The following GRID2 variants were observed in gnomAD, a reference collection of about 807,000 sequenced individuals.
GRID2 encodes the protein glutamate ionotropic receptor delta type subunit 2.
In GRID2, 33 loss-of-function variants were observed where a neutral mutation model predicts 114.8. The ratio of observed to expected loss-of-function variants is 0.29; its 90% confidence interval spans 0.22 to 0.38. The LOEUF (loss-of-function observed/expected upper bound fraction) is 0.38. Among genes scored for constraint, GRID2 ranks in the 10% least tolerant of loss-of-function variants. GRID2 has a pLI of 1.00. For missense variants in GRID2, 1,184 were observed against 1,257.7 expected (o/e 0.94, Z 0.89); for synonymous variants, 505 against 449.9 (o/e 1.12, Z -1.55).
intron 2 of GRID2, among the ~76,000 whole-genome samples, chr4:92,658,729 C>T (rs796776393): frequency 6.6e-6 from 1 of 150,382 alleles, no homozygotes; most frequent in African/African-American, 2.4e-5. Flanking sequence ...TTACACCATT[C>T]CTTTTATTAG....
At chr4:92,815,914 C>CAAAAAAA (rs5860292) in intron 2 of GRID2, among the ~76,000 whole-genome samples, 4 of 46,866 alleles carry the variant, frequency 8.5e-5, no homozygotes, top group Admixed American at 3.8e-4. Flanking sequence ...GACCCTGTCT[C>CAAAAAAA]AAAAAAAAAA....
chr4:93,214,951 T>C (rs1188791109), intron 5 of GRID2, among the ~76,000 whole-genome samples: 2 of 152,068 alleles, frequency 1.3e-5, no homozygotes, highest in Non-Finnish European at 2.9e-5. Flanking sequence ...ATGACATTTA[T>C]AAATTCATCC....
chr4:93,634,759 T>C (rs1721265416), intron 14 of GRID2, among the ~76,000 whole-genome samples: 1 of 151,924 alleles, frequency 6.6e-6, no homozygotes, highest in South Asian at 2.1e-4. Context: ...GCAGTAAGAA[T>C]ACTACAAAAG....
intron 9 of GRID2, 65 bp downstream of exon 9, chr4:93,395,773 T>C: frequency 2.8e-6 from 2 of 719,188 alleles, no homozygotes; most frequent in Admixed American, 4.2e-5. Flanking sequence ...ATTTCTTTCT[T>C]TATTAACTGA....
intron 8 of GRID2, among the ~76,000 whole-genome samples, chr4:93,387,541 A>C (rs1265884712): frequency 6.6e-6 from 1 of 152,108 alleles, no homozygotes; most frequent in Admixed American, 6.6e-5. Context: ...ATAAGAAATG[A>C]TGTACAGGCC....
At chr4:92,602,590 C>T (rs367850317) in intron 2 of GRID2, among the ~76,000 whole-genome samples, 8 of 152,126 alleles carry the variant, frequency 5.3e-5, no homozygotes, top group Admixed American at 2.6e-4. Flanking sequence ...AACCCACAGC[C>T]GGTATCATAC....
intron 2 of GRID2, among the ~76,000 whole-genome samples, chr4:92,735,741 C>T (rs997732246): frequency 6.6e-6 from 1 of 151,712 alleles, no homozygotes; most frequent in African/African-American, 2.4e-5. Flanking sequence ...TCACTAGCTT[C>T]TTTTTTTTAT....
intron 2 of GRID2, among the ~76,000 whole-genome samples, chr4:92,669,466 C>T (rs933175114): frequency 6.6e-6 from 1 of 151,920 alleles, no homozygotes; most frequent in Non-Finnish European, 1.5e-5. Flanking sequence ...TTTAAAGGAA[C>T]TTGCTGATAA....
chr4:92,772,014 G>A (rs1304268706), intron 2 of GRID2, among the ~76,000 whole-genome samples: 3 of 152,122 alleles, frequency 2.0e-5, no homozygotes, highest in African/African-American at 4.8e-5. Flanking sequence ...CTCCAAAAAC[G>A]ATGATGGAAC....
chr4:93,358,900 G>A (rs1229130035), intron 8 of GRID2, among the ~76,000 whole-genome samples: 1 of 152,042 alleles, frequency 6.6e-6, no homozygotes, highest in Non-Finnish European at 1.5e-5. Context: ...TTTATTGGCT[G>A]TATTTAACAA....
chr4:93,690,076 T>C (rs1726422506), intron 14 of GRID2, among the ~76,000 whole-genome samples: 1 of 152,108 alleles, frequency 6.6e-6, no homozygotes, highest in Non-Finnish European at 1.5e-5. Flanking sequence ...TTTAATGCTA[T>C]AGGATAAACT....
At chr4:93,074,406 A>G (rs1729080206) in intron 2 of GRID2, among the ~76,000 whole-genome samples, 1 of 152,248 alleles carries the variant, frequency 6.6e-6, no homozygotes, top group African/African-American at 2.4e-5. Context: ...CACAGTGACT[A>G]TAAAAGTAAC....
chr4:92,911,603 A>G (rs1025238355), intron 2 of GRID2, among the ~76,000 whole-genome samples: 8 of 151,926 alleles, frequency 5.3e-5, no homozygotes, highest in Non-Finnish European at 1.2e-4. Flanking sequence ...CAGGGATTTT[A>G]GGACCACAAA....
intron 4 of GRID2, among the ~76,000 whole-genome samples, chr4:93,152,676 A>T (rs1736837742): frequency 6.6e-6 from 1 of 152,128 alleles, no homozygotes; most frequent in South Asian, 2.1e-4. Context: ...ATAGTAACAG[A>T]TTAAGAACTG....
At chr4:92,820,008 A>G (rs909569525) in intron 2 of GRID2, among the ~76,000 whole-genome samples, 1 of 152,154 alleles carries the variant, frequency 6.6e-6, no homozygotes, top group African/African-American at 2.4e-5. Flanking sequence ...AGTACCATTT[A>G]CAATCTCATT....
intron 8 of GRID2, among the ~76,000 whole-genome samples, chr4:93,309,655 G>A (rs539964046): frequency 6.6e-6 from 1 of 152,202 alleles, no homozygotes; most frequent in South Asian, 2.1e-4. Context: ...AAGAATAAAA[G>A]CTGTCTATCA....
chr4:92,637,386 A>G (rs62309168), intron 2 of GRID2, among the ~76,000 whole-genome samples: 7,051 of 152,146 alleles, frequency 0.046, 209 homozygotes, highest in East Asian at 0.094. Context: ...TGTTAGCTCA[A>G]AATAGAATGT....
chr4:92,724,361 G>A (rs1369982824), intron 2 of GRID2, among the ~76,000 whole-genome samples: 3 of 152,062 alleles, frequency 2.0e-5, no homozygotes, highest in Non-Finnish European at 4.4e-5. Context: ...TTACAACTCT[G>A]CAGATCCTGA....
chr4:92,985,165 T>G (rs1474572520), intron 2 of GRID2, among the ~76,000 whole-genome samples: 1 of 152,030 alleles, frequency 6.6e-6, no homozygotes, highest in Non-Finnish European at 1.5e-5. Flanking sequence ...TTACCGTGGT[T>G]TTTGCCAAAT....
Sources: gnomAD v4.1 joint callset for allele counts (sites outside exome capture counted in the v4.1 genomes callset) on GRCh38, gnomAD v4.1.1 for gene constraint, MANE v1.5 for transcripts, NCBI Gene and HGNC (gene_info 2026-07-23, HGNC 2026-07-21) for gene names.